The following ABCC8 variants were observed in gnomAD, a reference collection of about 807,000 sequenced individuals.
The protein encoded by ABCC8 is ATP-binding cassette sub-family C member 8.
In ABCC8, 137 loss-of-function variants were observed where a neutral mutation model predicts 188.0. That is an observed-to-expected ratio of 0.73 (90% CI 0.63 to 0.84). The LOEUF (loss-of-function observed/expected upper bound fraction) is 0.84, where lower values mean the gene tolerates loss of function less well. Among genes scored for constraint, ABCC8 ranks in the 40% least tolerant of loss-of-function variants. ABCC8 has a pLI of 0.00. For missense variants in ABCC8, 1,750 were observed against 2,072.7 expected (o/e 0.84, Z 3.02); for synonymous variants, 797 against 846.5 (o/e 0.94, Z 1.01).
intron 16 of ABCC8, among the ~76,000 whole-genome samples, chr11:17,418,432 G>A (rs769026574): frequency 6.6e-6 from 1 of 152,094 alleles, no homozygotes; most frequent in Non-Finnish European, 1.5e-5. Flanking sequence ...TCTAATCTTC[G>A]TGGTCTCATT....
Position 17,393,689 on chromosome 11 carries a change from C to G in ABCC8, c.4608+8G>C. 1.2e-6 allele frequency: 2 copies of G among 1,614,218 alleles called. No individual in the cohort carries two copies. Among genetic ancestry groups the G allele is most frequent in the Non-Finnish European group, 1.7e-6 (2 of 1,180,008 alleles). ...TGTCCCTCTGCACCCCATCAATGGG[C>G]CCCTTACCGCGATGGTGACCACAGT... On this transcript the variant is annotated splice_region_variant and intron_variant, in intron 38 of 38. Coordinates refer to ENST00000389817, the MANE Select transcript of ABCC8 (RefSeq NM_000352.6).
intron 7 of ABCC8, among the ~76,000 whole-genome samples, chr11:17,450,685 CTTT>C (rs71047553): frequency 2.6e-5 from 2 of 76,706 alleles, no homozygotes; most frequent in African/African-American, 5.8e-5. Context: ...GCATGAGCCA[CTTT>C]TTTTTTTTTT....
intron 37 of ABCC8, 80 bp from the exon 38 acceptor site, chr11:17,393,839 G>T (rs1224904023): frequency 6.2e-7 from 1 of 1,613,428 alleles, no homozygotes; most frequent in Non-Finnish European, 8.5e-7. Flanking sequence ...GTGGAGCCCA[G>T]GTCTGTGGCT....
intron 6 of ABCC8, among the ~76,000 whole-genome samples, chr11:17,453,934 C>T (rs779295384): frequency 3.9e-5 from 6 of 152,130 alleles, no homozygotes; most frequent in Non-Finnish European, 5.9e-5. Flanking sequence ...GAAAAACAAA[C>T]ATTTTAACTT....
intron 22 of ABCC8, 33 bp downstream of exon 22, chr11:17,410,483 C>A: frequency 6.2e-7 from 1 of 1,611,850 alleles, no homozygotes; most frequent in Non-Finnish European, 8.5e-7. Flanking sequence ...CCAGCCCTGC[C>A]CCCTATAGCC....
intron 17 of ABCC8, among the ~76,000 whole-genome samples, chr11:17,416,376 A>G (rs1591769944): frequency 6.6e-6 from 1 of 152,178 alleles, no homozygotes; most frequent in African/African-American, 2.4e-5. Context: ...AGGGACACCC[A>G]TCTCCTTTCC....
chr11:17,439,864 T>C (rs1956245623), intron 10 of ABCC8, among the ~76,000 whole-genome samples: 1 of 152,104 alleles, frequency 6.6e-6, no homozygotes, highest in Non-Finnish European at 1.5e-5. Flanking sequence ...AACATATCCC[T>C]AGGTCCTCCT....
rs764055306 is a variant in ABCC8, at chr11:17,408,388, C to A, written c.2820+4G>T. 3 of 1,613,086 alleles carry A rather than the reference C, an allele frequency of 1.9e-6. No homozygotes were observed. The Admixed American group carries it at 5.0e-5, about 27-fold the overall frequency. On this transcript the variant is annotated splice_donor_region_variant and intron_variant, in intron 23 of 38. Coordinates refer to ENST00000389817, the MANE Select transcript of ABCC8 (RefSeq NM_000352.6). ...GCTGCTTGGCCATCCCTGGATATAC[C>A]CACCTTCTCCAGCTCTTGGTCCTGT...
rs989549589 is a variant in ABCC8 at position 17,403,604 on chromosome 11, A to G, written c.3558-851T>C. Among the ~76,000 whole-genome samples, 16 of 152,346 alleles carry G rather than the reference A, an allele frequency of 1.1e-4. No individual in the cohort carries two copies. In the East Asian group the frequency reaches 1.3e-3, roughly 13 times the overall value. On this transcript the variant is annotated intron_variant, in intron 28 of 38. Coordinates refer to ENST00000389817, the MANE Select transcript of ABCC8 (RefSeq NM_000352.6). ...CATCTAAATTTTATTATTGCTAATA[A>G]GTATCTCAACTCTAGTTTCTAGCCA...
chr11:17,417,110 A>G (rs958986563), intron 16 of ABCC8, 148 bp from the exon 17 acceptor site: 12 of 1,527,656 alleles, frequency 7.9e-6, no homozygotes, highest in Admixed American at 2.0e-5. Context: ...GTGGGGTCAG[A>G]AAGCACTCTT....
intron 10 of ABCC8, among the ~76,000 whole-genome samples, chr11:17,442,411 TC>T: frequency 6.6e-6 from 1 of 152,374 alleles, no homozygotes; most frequent in South Asian, 2.1e-4. Flanking sequence ...CTTGCTGCTG[TC>T]TGTCAATAAC....
chr11:17,428,180 C>G (rs1955673668), intron 14 of ABCC8, 109 bp downstream of exon 14: 6 of 1,571,634 alleles, frequency 3.8e-6, no homozygotes, highest in Non-Finnish European at 5.2e-6. Flanking sequence ...TACAGGCAGG[C>G]AGGGTGACCT....
intron 33 of ABCC8, chr11:17,396,136 G>A (rs754531844): frequency 2.3e-4 from 275 of 1,202,368 alleles, no homozygotes; most frequent in Non-Finnish European, 3.0e-4. Context: ...GGACCGGCAC[G>A]CAAGTGCAGG....
chr11:17,445,184 G>A (rs1233765558), intron 8 of ABCC8, among the ~76,000 whole-genome samples: 1 of 152,202 alleles, frequency 6.6e-6, no homozygotes, highest in Non-Finnish European at 1.5e-5. Context: ...TTAACCTGGT[G>A]TTCTTGATAA....
chr11:17,398,907 C>T (rs1954080391), intron 29 of ABCC8: 4 of 233,664 alleles, frequency 1.7e-5, no homozygotes, highest in Admixed American at 1.5e-4. Flanking sequence ...ACAGTCCATG[C>T]TCCACACAGT....
intron 7 of ABCC8, 28 bp from the exon 8 acceptor site, chr11:17,448,699 TTCATCATCATTCTCA>T: frequency 6.2e-7 from 1 of 1,613,890 alleles, no homozygotes; most frequent in Non-Finnish European, 8.5e-7. Flanking sequence ...GTGTTTCACA[TTCATCATCATTCTCA>T]TCATCATCAC....
At chr11:17,412,826 C>T in intron 20 of ABCC8, 80 bp from the exon 21 acceptor site, 1 of 1,553,410 alleles carries the variant, frequency 6.4e-7, no homozygotes, top group Non-Finnish European at 8.7e-7. Context: ...ACTATGAGCT[C>T]TTTGGGATGG....
intron 2 of ABCC8, among the ~76,000 whole-genome samples, chr11:17,472,875 A>G (rs1202506575): frequency 6.6e-6 from 1 of 152,132 alleles, no homozygotes; most frequent in Non-Finnish European, 1.5e-5. Context: ...CCACAGCCCC[A>G]TGAAGCAGGC....
At chr11:17,445,974 T>C (rs972538969) in intron 8 of ABCC8, among the ~76,000 whole-genome samples, 4 of 151,234 alleles carry the variant, frequency 2.6e-5, no homozygotes, top group Non-Finnish European at 5.9e-5. Flanking sequence ...TTCTTTTTTT[T>C]TTTTTTTTTT....
Sources: allele counts gnomAD v4.1 joint callset (sites outside exome capture counted in the v4.1 genomes callset), GRCh38; gene constraint gnomAD v4.1.1; transcripts MANE v1.5; gene names NCBI Gene and HGNC (gene_info 2026-07-23, HGNC 2026-07-21).